The following CEP295 variants were observed in gnomAD, a reference collection of about 807,000 sequenced individuals.
CEP295 encodes the protein centrosomal protein 295, also known as centrosomal protein of 295 kDa.
CEP295 carries 190 observed loss-of-function variants against 291.6 expected under a neutral mutation model. The observed-to-expected ratio is 0.65, with a 90% confidence interval of 0.58 to 0.73. The LOEUF (loss-of-function observed/expected upper bound fraction) is 0.73. Among genes scored for constraint, CEP295 ranks in the 30% least tolerant of loss-of-function variants. The pLI is 0.00. For missense variants in CEP295, 2,863 were observed against 2,949.4 expected, an observed-to-expected ratio of 0.97 and a Z score of 0.68; for synonymous variants, 993 against 1,038.8, an observed-to-expected ratio of 0.96 and a Z score of 0.85.
chr11:93,718,100 A>G (rs1953407420), intron 18 of CEP295, among the ~76,000 whole-genome samples: 1 of 152,170 alleles, frequency 6.6e-6, no homozygotes, highest in African/African-American at 2.4e-5. Context: ...TTGTAGAGAC[A>G]GGGTCTCACT....
intron 12 of CEP295, among the ~76,000 whole-genome samples, chr11:93,693,276 C>CAA (rs200935577): frequency 5.7e-4 from 79 of 139,624 alleles, no homozygotes; most frequent in Non-Finnish European, 1.0e-3. Context: ...GACTCTGTCT[C>CAA]AAAAAAAAAA....
intron 1 of CEP295, among the ~76,000 whole-genome samples, chr11:93,665,219 T>C (rs968922140): frequency 2.0e-5 from 3 of 152,232 alleles, no homozygotes; most frequent in Non-Finnish European, 2.9e-5. Flanking sequence ...CATGTACTCA[T>C]GTAAAGTGTC....
At position 93,697,661 on chromosome 11, in the gene CEP295, A is replaced by C; in HGVS notation, c.2749A>C (p.Lys917Gln). The C allele has an allele frequency of 6.4e-7, 1 of 1,551,884 alleles. No individual in the cohort carries two copies. The highest frequency in any genetic ancestry group is 8.7e-7 in the Non-Finnish European group (1 of 1,147,038). ...LGRIQESSPT[K>Q]NNIAVSSDHH... is the part of the protein sequence containing the mutation. Reference sequence around the variant, plus strand: ...GAGAATCCAGGAATCTTCACCAACCAAGAATAATATTGCAGTTTCCTCAGA... The same window carrying C: ...GAGAATCCAGGAATCTTCACCAACCCAGAATAATATTGCAGTTTCCTCAGA... The change falls in exon 15 of 30, where the codon AAG (lysine) becomes CAG (glutamine). Residue 917 changes from lysine (K) to glutamine (Q), a missense_variant. This residue lies in a region of CEP295 where 2,295 missense variants were observed against 2,335.7 expected (regional missense o/e 0.98). Coordinates refer to ENST00000325212, the MANE Select transcript of CEP295 (RefSeq NM_033395.2).
intron 5 of CEP295, among the ~76,000 whole-genome samples, chr11:93,671,758 G>A (rs10765623): frequency 0.35 from 52,635 of 151,812 alleles, 9,760 homozygotes; most frequent in South Asian, 0.49. Context: ...TGGGGTATTT[G>A]GGGGCCAGGG....
chr11:93,700,355 C>T, intron 15 of CEP295, among the ~76,000 whole-genome samples, 169 bp downstream of exon 15: 1 of 152,024 alleles, frequency 6.6e-6, no homozygotes, highest in Admixed American at 6.6e-5. Context: ...ATCGATCCAC[C>T]CACATGGTGT....
rs571904474 is a variant in CEP295 at position 93,694,889 on chromosome 11, G to A, written c.1534-608G>A. 2.0e-5 allele frequency among the ~76,000 whole-genome samples: 3 copies of A among 152,284 alleles called. No homozygotes were observed. In the East Asian group the frequency reaches 5.8e-4, roughly 29 times the overall value. ...GGGGACTAAGGTGCTGGATTTGGCA[G>A]GCTAGTTTTGTCCTCATGAAACTCA... On this transcript the variant is annotated intron_variant, in intron 12 of 29. Transcript: ENST00000325212.
intron 17 of CEP295, among the ~76,000 whole-genome samples, chr11:93,704,064 C>T (rs955176929): frequency 3.3e-5 from 5 of 151,968 alleles, no homozygotes; most frequent in Admixed American, 6.6e-5. Flanking sequence ...CCACTGCGCC[C>T]GGCCCCATCT....
chr11:93,725,705 G>A lies in CEP295; in HGVS notation c.6373G>A (p.Val2125Ile). 1 of 1,551,758 alleles carries A rather than the reference G, an allele frequency of 6.4e-7. No individual in the cohort carries two copies. Among genetic ancestry groups the A allele is most frequent in the South Asian group, 1.2e-5 (1 of 83,986 alleles). Reference sequence around the variant, plus strand: ...TGCTACTGGATTATCCAAAAGTACAGTTTATTTCACAGCACTGAGGAGGAC... The same window carrying A: ...TGCTACTGGATTATCCAAAAGTACAATTTATTTCACAGCACTGAGGAGGAC... Reference protein sequence around the residue: ...HCATGLSKSTVYFTALRRTSM... With the variant: ...HCATGLSKSTIYFTALRRTSM... The change falls in exon 23 of 30, where the codon GTT becomes ATT. Residue 2125 changes from valine (V) to isoleucine (I), a missense_variant. Transcript: ENST00000325212.
intron 6 of CEP295, among the ~76,000 whole-genome samples, chr11:93,678,981 C>A (rs547999752): frequency 6.6e-6 from 1 of 152,086 alleles, no homozygotes; most frequent in Non-Finnish European, 1.5e-5. Context: ...CTCAGCCTCA[C>A]GAGTAGCTGG....
At chr11:93,696,534 GC>G in intron 14 of CEP295, 117 bp downstream of exon 14, 1 of 1,019,440 alleles carries the variant, frequency 9.8e-7, no homozygotes, top group Non-Finnish European at 1.4e-6. Flanking sequence ...ATTTAGAACT[GC>G]CATTCTTAAA....
intron 12 of CEP295, among the ~76,000 whole-genome samples, chr11:93,694,039 CTA>C (rs1951730051): frequency 6.6e-6 from 1 of 152,152 alleles, no homozygotes; most frequent in Non-Finnish European, 1.5e-5. Context: ...TCAGGGGCTC[CTA>C]TGAGTAAGGG....
chr11:93,702,481 A>T lies in CEP295; in HGVS notation c.5296A>T (p.Asn1766Tyr). 1.3e-6 allele frequency: 2 copies of T among 1,538,508 alleles called. No homozygotes were observed. The highest frequency in any genetic ancestry group is 1.7e-6 in the Non-Finnish European group (2 of 1,142,992). Residue 1766 changes from asparagine to tyrosine, a missense_variant, in exon 16 of 30, where the codon AAT (asparagine) becomes TAT (tyrosine). Coordinates refer to ENST00000325212, the MANE Select transcript of CEP295 (RefSeq NM_033395.2). Reference protein sequence around the residue: ...DSQISKPTVENDLKTQKMGQL... With the variant: ...DSQISKPTVEYDLKTQKMGQL... ...TCAGATAAGTAAGCCCACAGTTGAAAATGATTTAAAAACCCAGAAGATGGG... is the reference window on the plus strand; with the variant it reads ...TCAGATAAGTAAGCCCACAGTTGAATATGATTTAAAAACCCAGAAGATGGG...
rs1938283434 is a variant in CEP295 at position 93,730,324 on chromosome 11, A to T, written c.*55A>T. Reference sequence around the variant, plus strand: ...ATTGTGTATATGTAGCATTAGACAAAATTATTTAAAGTCAATAAATTGTTA... The same window carrying T: ...ATTGTGTATATGTAGCATTAGACAATATTATTTAAAGTCAATAAATTGTTA... On this transcript the variant is annotated 3_prime_UTR_variant, in exon 30 of 30. Coordinates refer to ENST00000325212, the MANE Select transcript of CEP295 (RefSeq NM_033395.2). The T allele has an allele frequency of 8.3e-7, 1 of 1,211,772 alleles. No homozygotes were observed. The highest frequency in any genetic ancestry group is 1.5e-5 in the African/African-American group (1 of 65,628). 75.1% of individuals were successfully genotyped at this position (1,211,772 alleles called of 1,614,324 possible). A position where few individuals can be genotyped will look rare whatever the true frequency, so the allele number is the denominator to read the frequency against.
At chr11:93,726,135 T>TATTTTGTTTTTGAAGACTGAGTTTC (rs1168169532) in intron 23 of CEP295, among the ~76,000 whole-genome samples, 2 of 152,200 alleles carry the variant, frequency 1.3e-5, no homozygotes, top group Non-Finnish European at 2.9e-5. Flanking sequence ...TTTTTGTTTT[T>TATTTTGTTTTTGAAGACTGAGTTTC]ATTTTGTTTT....
intron 9 of CEP295, among the ~76,000 whole-genome samples, chr11:93,685,851 C>A (rs1951207032): frequency 6.6e-6 from 1 of 152,030 alleles, no homozygotes; most frequent in Admixed American, 6.5e-5. Context: ...GCTGGGACTA[C>A]AGCCACACAC....
At chr11:93,710,998 GT>G (rs1952856741) in intron 18 of CEP295, among the ~76,000 whole-genome samples, 1 of 151,492 alleles carries the variant, frequency 6.6e-6, no homozygotes, top group African/African-American at 2.4e-5. Flanking sequence ...TTCTTTTTTT[GT>G]AATTAGTCTG....
chr11:93,679,641 A>G (rs1950865783), intron 7 of CEP295, 89 bp downstream of exon 7: 3 of 1,128,204 alleles, frequency 2.7e-6, no homozygotes, highest in South Asian at 2.0e-5. Context: ...AAAGAAAGGT[A>G]GGAAGGGTGG....
intron 12 of CEP295, among the ~76,000 whole-genome samples, chr11:93,692,475 A>G (rs899889247): frequency 2.0e-5 from 3 of 152,156 alleles, no homozygotes; most frequent in African/African-American, 7.2e-5. Context: ...AACTTTTAAT[A>G]TACAGCGCCC....
chr11:93,721,665 G>GGTGT (rs59894789), intron 19 of CEP295: 13,786 of 605,594 alleles, frequency 0.023, 63 homozygotes, highest in Non-Finnish European at 0.025. Flanking sequence ...GCATATGTCT[G>GGTGT]GTGTGTGTGT....
Sources: allele counts gnomAD v4.1 joint callset (sites outside exome capture counted in the v4.1 genomes callset), GRCh38; gene constraint gnomAD v4.1.1; regional missense constraint gnomAD v4.1.1; transcripts MANE v1.5; gene names NCBI Gene and HGNC (gene_info 2026-07-23, HGNC 2026-07-21).